Variants in CEP57 observed in about 807,000 individuals in gnomAD.
The protein encoded by CEP57 is centrosomal protein of 57 kDa.
A neutral mutation model predicts 68.0 loss-of-function variants in CEP57; 40 were observed. The ratio of observed to expected loss-of-function variants is 0.59; its 90% CI spans 0.46 to 0.77. CEP57 has a LOEUF of 0.77. Among genes scored for constraint, CEP57 ranks in the 30% least tolerant of loss-of-function variants. CEP57 has a pLI of 0.00. For missense variants in CEP57, 606 were observed against 580.7 expected (o/e 1.04, Z -0.45); for synonymous variants, 219 against 198.7 (o/e 1.10, Z -0.86).
intron 8 of CEP57, chr11:95,826,318 C>T (rs972458550): frequency 1.3e-5 from 2 of 152,176 alleles, no homozygotes; most frequent in African/African-American, 2.4e-5. Flanking sequence ...TTCCAGTCAA[C>T]AGCAGGCTAT....
At chr11:95,798,513 A>C (rs1018527824) in intron 1 of CEP57, among the ~76,000 whole-genome samples, 5 of 152,220 alleles carry the variant, frequency 3.3e-5, no homozygotes, top group African/African-American at 4.8e-5. Flanking sequence ...GCTGGTAGTC[A>C]TATCTTCCAC....
chr11:95,822,510 G>C lies in CEP57; in HGVS notation c.819G>C (p.Arg273Ser), dbSNP rs1182963732. 9 of 1,612,794 alleles carry C rather than the reference G, an allele frequency of 5.6e-6. No homozygotes were observed. Among genetic ancestry groups the C allele is most frequent in the Non-Finnish European group, 7.6e-6 (9 of 1,179,024 alleles). The change falls in exon 8 of 11, where the codon AGG becomes AGC. Residue 273 changes from arginine to serine, a missense_variant. Coordinates refer to ENST00000325542, the MANE Select transcript of CEP57 (RefSeq NM_014679.5). Reference protein sequence around the residue: ...KSKPPEKKSSRNYFGAQPHYR... With the variant: ...KSKPPEKKSSSNYFGAQPHYR... The stretch of plus-strand genomic sequence containing the variant: ...TTCTTTTCATTCAGAAAAGTTCTAG[G>C]AACTATTTTGGTGCACAACCACATT...
At chr11:95,830,421 T>TA (rs1862951686) in intron 10 of CEP57, among the ~76,000 whole-genome samples, 1 of 152,230 alleles carries the variant, frequency 6.6e-6, no homozygotes, top group African/African-American at 2.4e-5. Flanking sequence ...TAATTAGACT[T>TA]ATTCTATTGG....
chr11:95,794,367 C>T (rs1240750712), intron 1 of CEP57: 6 of 455,024 alleles, frequency 1.3e-5, no homozygotes, highest in African/African-American at 4.0e-5. Flanking sequence ...AGAGTATGTG[C>T]GTCTTCAGCT....
chr11:95,790,385 C>A, upstream of CEP57: 1 of 481,456 alleles, frequency 2.1e-6, no homozygotes, highest in East Asian at 3.7e-5. Flanking sequence ...CCAGCGGGCC[C>A]CGTTACGCGC....
intron 4 of CEP57, among the ~76,000 whole-genome samples, chr11:95,817,031 A>G (rs765253561): frequency 6.6e-6 from 1 of 151,708 alleles, no homozygotes; most frequent in Non-Finnish European, 1.5e-5. Flanking sequence ...CAAAGTCTAT[A>G]TAGGAGGCAA....
At chr11:95,807,185 G>C (rs1261181834) in intron 2 of CEP57, among the ~76,000 whole-genome samples, 1 of 152,134 alleles carries the variant, frequency 6.6e-6, no homozygotes, top group East Asian at 1.9e-4. Flanking sequence ...CTAACAAAAA[G>C]GACATCCACA....
At position 95,790,669 on chromosome 11, in the gene CEP57, A is replaced by T. The variant is rs75431250; in HGVS notation, c.-30A>T. The T allele has an allele frequency of 6.2e-7, 1 of 1,612,522 alleles. No individual in the cohort carries two copies. The highest frequency in any genetic ancestry group is 1.3e-5 in the African/African-American group (1 of 75,052). ...GCACGAGAACCTAGACCGCCCCCGA[A>T]GTGCGGAGACCCCCTGGGCAGGCTG... is the stretch of plus-strand genomic sequence containing the variant. On this transcript the variant is annotated 5_prime_UTR_variant, in exon 1 of 11. In the 5' UTR this introduces an upstream ATG that the reference lacks. Coordinates refer to ENST00000325542, the MANE Select transcript of CEP57 (RefSeq NM_014679.5).
Position 95,823,400 on chromosome 11 carries a change from T to C in CEP57, c.885+824T>C, listed in dbSNP as rs60177232. On this transcript the variant is annotated intron_variant, in intron 8 of 10. Transcript: ENST00000325542. ...TTTTTTCAATAAGTATCTTGGAAAA[T>C]TTTTTGGAGATTTTTGGCAATTTGA... Among the ~76,000 whole-genome samples, 926 of 152,048 alleles carry C rather than the reference T, an allele frequency of 6.1e-3. 14 individuals carry two copies. The highest frequency in any genetic ancestry group is 0.021 in the African/African-American group (866 of 41,460).
At chr11:95,821,361 G>A (rs997637070) in intron 6 of CEP57, among the ~76,000 whole-genome samples, 41 of 152,194 alleles carry the variant, frequency 2.7e-4, no homozygotes, top group African/African-American at 9.4e-4. Flanking sequence ...AAAAGGGCTT[G>A]GTAACATTTG....
chr11:95,822,002 GC>G (rs1409866048), intron 7 of CEP57, 24 bp downstream of exon 7: 1 of 1,476,860 alleles, frequency 6.8e-7, no homozygotes, highest in Admixed American at 1.7e-5. Context: ...ACCAAATCAG[GC>G]AAAATGCTGA....
At chr11:95,811,506 G>C (rs903434421) in intron 2 of CEP57, among the ~76,000 whole-genome samples, 1 of 151,352 alleles carries the variant, frequency 6.6e-6, no homozygotes, top group Non-Finnish European at 1.5e-5. Flanking sequence ...GTGCAGCACA[G>C]CAACATGGCA....
chr11:95,800,571 T>C (rs879380248), intron 2 of CEP57, among the ~76,000 whole-genome samples: 1 of 152,044 alleles, frequency 6.6e-6, no homozygotes, highest in East Asian at 1.9e-4. Context: ...TTTGTATTTT[T>C]AGTAGGGACG....
In CEP57 at chr11:95,831,174, G is replaced by C; in HGVS notation, c.1421G>C (p.Arg474Thr). ...ATGAAACTGAGACCTGGAGAAAAAA[G>C]GAGAAAAAATCTTCAGTTATTGAAG... ...DFMKLRPGEK[R>T]RKNLQLLKDM... The change falls in exon 11 of 11, where the codon AGG becomes ACG. Residue 474 changes from arginine (R) to threonine (T), a missense_variant. Arg to Thr is a moderately conservative substitution (Grantham distance 71). Transcript: ENST00000325542. The C allele has an allele frequency of 1.2e-6, 2 of 1,613,258 alleles. No individual in the cohort carries two copies. Among genetic ancestry groups the C allele is most frequent in the Non-Finnish European group, 1.7e-6 (2 of 1,179,614 alleles).
At position 95,813,341 on chromosome 11, in the gene CEP57, G is replaced by A. The variant is rs1482984509; in HGVS notation, c.383-127G>A. 3.3e-6 allele frequency: 4 copies of A among 1,205,394 alleles called. No individual in the cohort carries two copies. The Admixed American group carries it at 8.8e-5, about 27-fold the overall frequency. The allele number at this position is 1,205,394 out of a possible 1,614,324, so 74.7% of individuals were successfully genotyped here. On this transcript the variant is annotated intron_variant, in intron 3 of 10. Transcript: ENST00000325542. ...GTAGAAAGAATGATTTAGGTAATCT[G>A]AAAAGGCGTCCAGGTCTGTGGAAGG... is the stretch of plus-strand genomic sequence containing the variant.
At chr11:95,820,315 G>A (rs1446508944) in intron 6 of CEP57, among the ~76,000 whole-genome samples, 1 of 152,104 alleles carries the variant, frequency 6.6e-6, no homozygotes, top group Non-Finnish European at 1.5e-5. Flanking sequence ...TGTTGGGCAA[G>A]TTATATAACT....
intron 1 of CEP57, chr11:95,794,412 T>TTA (rs1229289970): frequency 9.1e-6 from 4 of 437,678 alleles, no homozygotes; most frequent in Non-Finnish European, 1.8e-5. Flanking sequence ...TACCAAGTGA[T>TTA]TATACCAACA....
At chr11:95,806,218 G>A (rs1018393489) in intron 2 of CEP57, among the ~76,000 whole-genome samples, 2 of 152,206 alleles carry the variant, frequency 1.3e-5, no homozygotes, top group African/African-American at 4.8e-5. Context: ...GAAGTAAGCT[G>A]GGTATAATTA....
In CEP57 at chr11:95,807,153, G is replaced by T. The variant is rs181681892; in HGVS notation, c.203-5779G>T. ...ATCTCCAACAGACCTGCAGCTGAGG[G>T]TCCTGACTGTTAGAAGGAAAACTAA... On this transcript the variant is annotated intron_variant, in intron 2 of 10. Coordinates refer to ENST00000325542, the MANE Select transcript of CEP57 (RefSeq NM_014679.5). Among the ~76,000 whole-genome samples the T allele has an allele frequency of 3.9e-5, 6 of 152,292 alleles. No homozygotes were observed. The East Asian group carries it at 1.2e-3, about 29-fold the overall frequency.
Sources: gnomAD v4.1 joint callset for allele counts (sites outside exome capture counted in the v4.1 genomes callset) on GRCh38, gnomAD v4.1.1 for gene constraint, MANE v1.5 for transcripts, NCBI Gene and HGNC (gene_info 2026-07-23, HGNC 2026-07-21) for gene names.